MAP3K21: variants seen among roughly 807,000 people sequenced by gnomAD.
The protein encoded by MAP3K21 is mitogen-activated protein kinase kinase kinase MLK4.
In MAP3K21, 63 loss-of-function variants were observed where a neutral mutation model predicts 86.1. That is an observed-to-expected ratio of 0.73 (90% CI 0.60 to 0.90). The LOEUF is 0.90. MAP3K21 is among the 40% of genes least tolerant of loss of function. The probability of loss-of-function intolerance (pLI) is 0.00; values close to 1 mark genes in which losing one functional copy is unlikely to be tolerated. For synonymous variants in MAP3K21, 558 were observed against 564.8 expected, an observed-to-expected ratio of 0.99 and a Z score of 0.17; for missense variants, 1,220 against 1,367.7, an observed-to-expected ratio of 0.89 and a Z score of 1.70.
chr1:233,346,815 T>G (rs1332659271), intron 2 of MAP3K21, among the ~76,000 whole-genome samples, 193 bp downstream of exon 2: 1 of 152,210 alleles, frequency 6.6e-6, no homozygotes, highest in African/African-American at 2.4e-5. Context: ...ATGACTCCAT[T>G]TCAGAGGAGA....
At chr1:233,375,806 T>C in intron 6 of MAP3K21, 110 bp from the exon 7 acceptor site, 1 of 753,486 alleles carries the variant, frequency 1.3e-6, no homozygotes, top group Non-Finnish European at 2.1e-6. Context: ...GTTTTCATGT[T>C]TTGAGTAAGG....
At chr1:233,332,725 A>G (rs939432724) in intron 1 of MAP3K21, among the ~76,000 whole-genome samples, 8 of 152,334 alleles carry the variant, frequency 5.3e-5, no homozygotes, top group Admixed American at 5.2e-4. Context: ...AAATATTAGA[A>G]TTTTGTTTAA....
Position 233,328,086 on chromosome 1 carries a change from G to GC in MAP3K21, c.63dup (p.Gly22ArgfsTer27). The GC allele has an allele frequency of 3.7e-6, 5 of 1,363,810 alleles. No homozygotes were observed. Among genetic ancestry groups the GC allele is most frequent in the Non-Finnish European group, 4.7e-6 (5 of 1,065,330 alleles). 84.5% of individuals were successfully genotyped at this position (1,363,810 alleles called of 1,614,324 possible). On this transcript the variant is annotated frameshift_variant, in exon 1 of 10. Transcript: ENST00000366624. LOFTEE classifies it high-confidence loss of function. This position sits in a 1 kb window ranked among gnomAD's most constrained non-coding sequence, Gnocchi z 8.7. ...CACCCCGGTGTCCTCGGCCGGGGGA[G>GC]CCCCCGGCGGCTCAGCGTCCTCGTC... is the stretch of plus-strand genomic sequence containing the variant.
At position 233,328,799 on chromosome 1, in the gene MAP3K21, G is replaced by C. The variant is rs79952117; in HGVS notation, c.771G>C (p.Val257=). The C allele has an allele frequency of 4.4e-3, 6,824 of 1,543,216 alleles. 151 individuals carry two copies. The East Asian group carries it at 0.046, about 10-fold the overall frequency. ...GMLYLHEEAF[V]PILHRDLKSS... is the part of the protein sequence containing the mutation. The stretch of plus-strand genomic sequence containing the variant: ...TCTACCTGCATGAGGAGGCCTTCGT[G>C]CCCATCCTGCACCGGGACCTCAAGT... The change falls in exon 1 of 10, where the codon GTG becomes GTC. Residue 257 remains valine (V), a synonymous_variant. Transcript: ENST00000366624. This position sits in a 1 kb window ranked among gnomAD's most constrained non-coding sequence, Gnocchi z 8.7.
rs755081086 is a variant in MAP3K21, at chr1:233,362,282, G to A, written c.1541G>A (p.Ser514Asn). Residue 514 changes from serine (S) to asparagine (N), a missense_variant, in exon 5 of 10, where the codon AGT (serine) becomes AAT (asparagine). Ser to Asn is a conservative substitution (Grantham distance 46). This residue lies in a region of MAP3K21 where 632 missense variants were observed against 691.3 expected (regional missense o/e 0.91). Transcript: ENST00000366624. ...AAGCTCAAAGATGGACATCGAATCA[G>A]TTTACCTTCAGGTATGATCTTGTTT... ...RLKLKDGHRISLPSDFQHKIT... is the reference protein window; with the variant it reads ...RLKLKDGHRINLPSDFQHKIT... 6.2e-7 allele frequency: 1 copy of A among 1,614,126 alleles called. No individual in the cohort carries two copies. The highest frequency in any genetic ancestry group is 2.2e-5 in the East Asian group (1 of 44,884).
chr1:233,380,195 A>G (rs1663887818), intron 9 of MAP3K21, among the ~76,000 whole-genome samples: 1 of 152,206 alleles, frequency 6.6e-6, no homozygotes, highest in African/African-American at 2.4e-5. Context: ...GATGTTCAGC[A>G]CAAACTCATT....
intron 5 of MAP3K21, among the ~76,000 whole-genome samples, chr1:233,369,979 T>C (rs2102763235): frequency 6.6e-6 from 1 of 152,226 alleles, no homozygotes; most frequent in Middle Eastern, 3.4e-3. Flanking sequence ...TTAAGAATCA[T>C]GAGAGGCCTT....
chr1:233,338,965 A>G (rs1427540458), intron 1 of MAP3K21, among the ~76,000 whole-genome samples: 1 of 152,184 alleles, frequency 6.6e-6, no homozygotes, highest in Non-Finnish European at 1.5e-5. Context: ...AGTGAGTGTA[A>G]ATAAGAAAAA....
At position 233,354,907 on chromosome 1, in the gene MAP3K21, G is replaced by A; in HGVS notation, c.1207G>A (p.Gly403Arg). Residue 403 changes from glycine (G) to arginine (R), a missense_variant, in exon 4 of 10, where the codon GGG (glycine) becomes AGG (arginine). Physicochemically the swap from Gly to Arg is moderately radical, Grantham distance 125. This residue lies in a region of MAP3K21 where 126 missense variants were observed against 127.7 expected (regional missense o/e 0.99). Coordinates refer to ENST00000366624, the MANE Select transcript of MAP3K21 (RefSeq NM_032435.3). The stretch of plus-strand genomic sequence containing the variant: ...TCTCGAACAGTTGACTGCTATTGAA[G>A]GGGCAGTGATGACTGAGATGCCTCA... ...LILEQLTAIE[G>R]AVMTEMPQES... 2 of 1,613,610 alleles carry A rather than the reference G, an allele frequency of 1.2e-6. No homozygotes were observed. Among genetic ancestry groups the A allele is most frequent in the Non-Finnish European group, 1.7e-6 (2 of 1,179,576 alleles).
At chr1:233,341,038 A>G (rs1282349065) in intron 1 of MAP3K21, among the ~76,000 whole-genome samples, 1 of 152,218 alleles carries the variant, frequency 6.6e-6, no homozygotes, top group East Asian at 1.9e-4. Context: ...TGGTTGAATA[A>G]GTAGGCTAAG....
chr1:233,351,560 G>A (rs1336881924), intron 2 of MAP3K21, among the ~76,000 whole-genome samples: 9 of 151,946 alleles, frequency 5.9e-5, no homozygotes, highest in South Asian at 2.1e-4. Flanking sequence ...GTGTGGTGGC[G>A]GGTGCCTGTA....
intron 4 of MAP3K21, among the ~76,000 whole-genome samples, chr1:233,359,748 G>A (rs553023931): frequency 6.6e-5 from 10 of 152,360 alleles, no homozygotes; most frequent in African/African-American, 2.4e-4. Flanking sequence ...AGAGTGGCCT[G>A]TGCCAAGCAA....
At chr1:233,372,991 G>C (rs1225991355) in intron 6 of MAP3K21, 1 of 151,810 alleles carries the variant, frequency 6.6e-6, no homozygotes, top group Non-Finnish European at 1.5e-5. Flanking sequence ...GTCTAATGAG[G>C]CTTGCATGGA....
At chr1:233,343,666 C>T (rs928724151) in intron 1 of MAP3K21, among the ~76,000 whole-genome samples, 1 of 152,184 alleles carries the variant, frequency 6.6e-6, no homozygotes, top group Admixed American at 6.5e-5. Flanking sequence ...GCTCTGGAGT[C>T]AGACTGCTTG....
intron 1 of MAP3K21, among the ~76,000 whole-genome samples, chr1:233,337,048 T>A (rs1339741823): frequency 1.3e-5 from 2 of 152,218 alleles, no homozygotes; most frequent in Non-Finnish European, 2.9e-5. Context: ...TTGAGCTCTG[T>A]CTGACTCCAC....
intron 1 of MAP3K21, among the ~76,000 whole-genome samples, chr1:233,340,791 C>T (rs189608641): frequency 6.6e-6 from 1 of 152,242 alleles, no homozygotes; most frequent in East Asian, 1.9e-4. Flanking sequence ...TATTCTTTCA[C>T]ATTATTGCTT....
At chr1:233,332,948 A>C (rs1662838094) in intron 1 of MAP3K21, among the ~76,000 whole-genome samples, 1 of 151,918 alleles carries the variant, frequency 6.6e-6, no homozygotes, top group Non-Finnish European at 1.5e-5. Flanking sequence ...TTATTATCTC[A>C]ATTTTTTTAG....
chr1:233,334,432 G>A (rs1157525530), intron 1 of MAP3K21, among the ~76,000 whole-genome samples: 1 of 152,134 alleles, frequency 6.6e-6, no homozygotes, highest in African/African-American at 2.4e-5. Flanking sequence ...TTCTGATACT[G>A]TATTCGTTTC....
Position 233,327,776 on chromosome 1 carries a change from G to C in MAP3K21, c.-253G>C, listed in dbSNP as rs1459429617. The C allele has an allele frequency of 1.6e-5, 5 of 310,642 alleles. No homozygotes were observed. In the East Asian group the frequency reaches 2.1e-4, roughly 13 times the overall value. 19.2% of individuals were successfully genotyped at this position (310,642 alleles called of 1,614,324 possible). Reference sequence around the variant, plus strand: ...GGCGGGCGGGCCGGCCGCAGGGCCTGGGCACGACCATGGTGGGACGTCGCC... The same window carrying C: ...GGCGGGCGGGCCGGCCGCAGGGCCTCGGCACGACCATGGTGGGACGTCGCC... On this transcript the variant is annotated 5_prime_UTR_variant, in exon 1 of 10. Transcript: ENST00000366624.
Sources: gnomAD v4.1 joint callset for allele counts (sites outside exome capture counted in the v4.1 genomes callset) on GRCh38, gnomAD v4.1.1 for gene constraint, gnomAD v4.1.1 regional missense constraint, Gnocchi (gnomAD v3.1) non-coding constraint, MANE v1.5 for transcripts, NCBI Gene and HGNC (gene_info 2026-07-23, HGNC 2026-07-21) for gene names.